EEA1: variants seen among roughly 807,000 people sequenced by gnomAD.
EEA1 encodes early endosome antigen 1, 162kD.
Under a neutral mutation model 209.2 loss-of-function variants are expected in EEA1, and 111 were observed. That is an observed-to-expected ratio of 0.53 (90% CI 0.45 to 0.62). The LOEUF (loss-of-function observed/expected upper bound fraction) is 0.62. Ranked by LOEUF, EEA1 falls within the 20% of genes least tolerant of loss-of-function variation. The pLI is 0.00. For synonymous variants in EEA1, 536 were observed against 540.6 expected (o/e 0.99, Z 0.12); for missense variants, 1,343 against 1,530.8 (o/e 0.88, Z 2.05).
chr12:92,780,173 T>C, intron 24 of EEA1, 107 bp downstream of exon 24: 1 of 1,236,348 alleles, frequency 8.1e-7, no homozygotes, highest in Non-Finnish European at 1.1e-6. Flanking sequence ...ACAATTTGCC[T>C]AGCACATAGC....
intron 15 of EEA1, among the ~76,000 whole-genome samples, chr12:92,814,664 C>G (rs77893706): frequency 6.6e-6 from 1 of 152,058 alleles, no homozygotes; most frequent in African/African-American, 2.4e-5. Flanking sequence ...TTTTTATAGG[C>G]AATGACTAAG....
intron 13 of EEA1, among the ~76,000 whole-genome samples, chr12:92,823,670 C>T (rs1876164882): frequency 6.6e-6 from 1 of 152,164 alleles, no homozygotes. Context: ...CTTTGCCTGG[C>T]CCCTCTTTCA....
intron 2 of EEA1, among the ~76,000 whole-genome samples, chr12:92,882,051 G>T (rs1879170509): frequency 6.6e-6 from 1 of 151,730 alleles, no homozygotes; most frequent in Non-Finnish European, 1.5e-5. Flanking sequence ...TTTTCTCTTT[G>T]TTATGACGAT....
chr12:92,820,705 T>C (rs1304758829), intron 13 of EEA1, among the ~76,000 whole-genome samples: 1 of 151,990 alleles, frequency 6.6e-6, no homozygotes, highest in Non-Finnish European at 1.5e-5. Context: ...GGTACATGTG[T>C]AACTATGTAA....
At position 92,852,248 on chromosome 12, in the gene EEA1, T is replaced by C. The variant is rs1305888708; in HGVS notation, c.569A>G (p.Glu190Gly). 8.7e-6 allele frequency: 14 copies of C among 1,602,396 alleles called. No individual in the cohort carries two copies. The Admixed American group carries it at 2.2e-4, about 25-fold the overall frequency. The part of the protein sequence containing the change: ...DEERSLREAA[E>G]QKVTRLTEEL... Reference sequence around the variant, plus strand: ...TTCTGTCAGACGTGTCACTTTTTGTTCAGCAGCTTCTCGAAGACTCCTTTC... The same window carrying C: ...TTCTGTCAGACGTGTCACTTTTTGTCCAGCAGCTTCTCGAAGACTCCTTTC... The change falls in exon 8 of 29, where the codon GAA (glutamate) becomes GGA (glycine). Residue 190 changes from glutamate (E) to glycine (G), a missense_variant. Physicochemically the swap from Glu to Gly is moderately conservative, Grantham distance 98. Coordinates refer to ENST00000322349, the MANE Select transcript of EEA1 (RefSeq NM_003566.4).
chr12:92,807,665 C>T (rs1875280330), intron 18 of EEA1, among the ~76,000 whole-genome samples: 1 of 151,798 alleles, frequency 6.6e-6, no homozygotes, highest in Admixed American at 6.6e-5. Context: ...ATTTAAAAAA[C>T]AATTACATTT....
chr12:92,791,802 CA>C (rs2136658537), intron 21 of EEA1, among the ~76,000 whole-genome samples: 1 of 152,306 alleles, frequency 6.6e-6, no homozygotes, highest in African/African-American at 2.4e-5. Flanking sequence ...CTCTCCACCC[CA>C]AATCAACAGA....
At position 92,863,224 on chromosome 12, in the gene EEA1, C is replaced by T. The variant is rs140543191; in HGVS notation, c.245+1636G>A. On this transcript the variant is annotated intron_variant, in intron 3 of 28. Transcript: ENST00000322349. ...CAGAGATGACTACAATCAAGTTCTT[C>T]CTTTCCTATACTAATCCACTAAAAG... Among the ~76,000 whole-genome samples the T allele has an allele frequency of 3.3e-5, 5 of 152,320 alleles. No individual in the cohort carries two copies. In the East Asian group the frequency reaches 9.6e-4, roughly 29 times the overall value.
intron 11 of EEA1, 52 bp downstream of exon 11, chr12:92,832,460 C>T (rs942571702): frequency 1.5e-5 from 22 of 1,504,576 alleles, no homozygotes; most frequent in South Asian, 1.3e-4. Context: ...ATCAAGTACA[C>T]GAAGAAGAAA....
rs956297496 is a variant in EEA1 at position 92,925,512 on chromosome 12, C to T, written c.24+3531G>A. Among the ~76,000 whole-genome samples the T allele has an allele frequency of 1.6e-4, 24 of 152,246 alleles. No homozygotes were observed. In the East Asian group the frequency reaches 3.9e-3, roughly 24 times the overall value. ...TTACAGGCATGAGCCACTAAGCCAG[C>T]CCACAGTAAGTTATAATACTTAAGA... is the stretch of plus-strand genomic sequence containing the variant. On this transcript the variant is annotated intron_variant, in intron 1 of 28. Coordinates refer to ENST00000322349, the MANE Select transcript of EEA1 (RefSeq NM_003566.4).
rs1565820015 is a variant in EEA1 at position 92,816,283 on chromosome 12, C to T, written c.1846G>A (p.Val616Ile). Residue 616 changes from valine to isoleucine, a missense_variant, in exon 15 of 29, where the codon GTC becomes ATC. Transcript: ENST00000322349. ...KAHLRAAQDR[V>I]LSLETSVNEL... is the part of the protein sequence containing the mutation. ...TTGACACTAGTTTCTAGGGAAAGGA[C>T]ACGGTCTTGTGCAGCTCTAAGATGT... is the stretch of plus-strand genomic sequence containing the variant. The T allele has an allele frequency of 1.9e-6, 3 of 1,613,998 alleles. No homozygotes were observed. The highest frequency in any genetic ancestry group is 2.5e-6 in the Non-Finnish European group (3 of 1,179,922).
intron 21 of EEA1, among the ~76,000 whole-genome samples, chr12:92,795,641 A>AATG (rs1258094704): frequency 2.0e-5 from 3 of 152,210 alleles, no homozygotes; most frequent in Admixed American, 1.3e-4. Flanking sequence ...TAGGAGACAG[A>AATG]ATGATAGGAA....
At chr12:92,926,364 C>T (rs1322655372) in intron 1 of EEA1, among the ~76,000 whole-genome samples, 1 of 152,124 alleles carries the variant, frequency 6.6e-6, no homozygotes, top group Non-Finnish European at 1.5e-5. Context: ...TAGCTTTAAT[C>T]TTATAGCTTA....
In EEA1 at chr12:92,842,550, G is replaced by A; in HGVS notation, c.830C>T (p.Ala277Val). 1 of 1,605,166 alleles carries A rather than the reference G, an allele frequency of 6.2e-7. No homozygotes were observed. The highest frequency in any genetic ancestry group is 8.5e-7 in the Non-Finnish European group (1 of 1,176,522). ...TACAGCAACTTCCTGGGGGCCTTTG[G>A]CAAGTTCACTCCTTAGCTGGCTTAT... is the stretch of plus-strand genomic sequence containing the variant. ...ATISQLRSEL[A>V]KGPQEVAVYV... Residue 277 changes from alanine to valine, a missense_variant, in exon 10 of 29, where the codon GCC (alanine) becomes GTC (valine). This residue lies in a region of EEA1 where 1,307 missense variants were observed against 1,465.5 expected (regional missense o/e 0.89). Transcript: ENST00000322349.
intron 3 of EEA1, 137 bp downstream of exon 3, chr12:92,864,723 G>T: frequency 1.2e-6 from 1 of 818,292 alleles, no homozygotes; most frequent in Non-Finnish European, 1.7e-6. Context: ...AGTGGAGGAA[G>T]GATATGCTAA....
chr12:92,793,031 C>A (rs1410007904), intron 21 of EEA1, among the ~76,000 whole-genome samples: 1 of 152,130 alleles, frequency 6.6e-6, no homozygotes, highest in Non-Finnish European at 1.5e-5. Flanking sequence ...ACGACAAAAA[C>A]CACATGGTAT....
chr12:92,798,102 T>TA (rs1390862717), intron 21 of EEA1, among the ~76,000 whole-genome samples: 2 of 152,048 alleles, frequency 1.3e-5, no homozygotes, highest in African/African-American at 4.8e-5. Context: ...CACTTAAGAA[T>TA]AAAAAATATG....
intron 27 of EEA1, 23 bp from the exon 28 acceptor site, chr12:92,776,965 T>C (rs2136645915): frequency 1.9e-6 from 3 of 1,597,710 alleles, no homozygotes; most frequent in Non-Finnish European, 2.6e-6. Context: ...GAAGTATCGA[T>C]ATATTATAGT....
chr12:92,928,938 C>CT, intron 1 of EEA1, 105 bp downstream of exon 1: 1 of 1,275,394 alleles, frequency 7.8e-7, no homozygotes, highest in Non-Finnish European at 1.1e-6. Flanking sequence ...GCTGTGGGGC[C>CT]TAGGGAAGGA....
Sources: gnomAD v4.1 joint callset for allele counts (sites outside exome capture counted in the v4.1 genomes callset) on GRCh38, gnomAD v4.1.1 for gene constraint, gnomAD v4.1.1 regional missense constraint, MANE v1.5 for transcripts, NCBI Gene and HGNC (gene_info 2026-07-23, HGNC 2026-07-21) for gene names.